MIF: variants seen among roughly 807,000 people sequenced by gnomAD.
The protein encoded by MIF is macrophage migration inhibitory factor.
Under a neutral mutation model 11.3 loss-of-function variants are expected in MIF, and 16 were observed. That is an observed-to-expected ratio of 1.42 (90% CI 0.96 to 2.16). The LOEUF is 2.16. Ranked by LOEUF, MIF falls within the 30% of genes most tolerant of loss-of-function variation. The pLI is 0.00. For synonymous variants in MIF, 83 were observed against 74.2 expected (o/e 1.12, Z -0.61); for missense variants, 229 against 165.3 (o/e 1.39, Z -2.11).
chr22:23,894,405 A>AC lies in MIF; in HGVS notation c.-69dup. On this transcript the variant is annotated 5_prime_UTR_variant, in exon 1 of 3. Transcript: ENST00000215754. ...CACAGTGGTGTCCGAGAAGTCAGGC[A>AC]CGTAGCTCAGCGGCGGCCGCGGCGC... 1 of 1,288,542 alleles carries AC rather than the reference A, an allele frequency of 7.8e-7. No individual in the cohort carries two copies. The allele number at this position is 1,288,542 out of a possible 1,614,324, so 79.8% of individuals were successfully genotyped here.
Position 23,895,071 on chromosome 22 carries a change from G to T in MIF, c.313G>T (p.Ala105Ser). The change falls in exon 3 of 3, where the codon GCC (alanine) becomes TCC (serine). Residue 105 changes from alanine to serine, a missense_variant. Transcript: ENST00000215754. Reference protein sequence around the residue: ...VYINYYDMNAANVGWNNSTFA With the variant: ...VYINYYDMNASNVGWNNSTFA ...CATCAACTATTACGACATGAACGCG[G>T]CCAATGTGGGCTGGAACAACTCCAC... 6.4e-7 allele frequency: 1 copy of T among 1,558,988 alleles called. No individual in the cohort carries two copies. Among genetic ancestry groups the T allele is most frequent in the Non-Finnish European group, 8.7e-7 (1 of 1,150,954 alleles).
At chr22:23,894,660 C>T in intron 1 of MIF, 78 bp downstream of exon 1, 1 of 1,418,364 alleles carries the variant, frequency 7.1e-7, no homozygotes, top group Non-Finnish European at 9.6e-7. Context: ...GAGGCGACTC[C>T]TGAACGGAGC....
In MIF at chr22:23,894,849, G is replaced by C; in HGVS notation, c.186G>C (p.Leu62=). 1.3e-6 allele frequency: 2 copies of C among 1,557,154 alleles called. No homozygotes were observed. Among genetic ancestry groups the C allele is most frequent in the South Asian group, 1.2e-5 (1 of 85,328 alleles). ...GSSEPCALCS[L]HSIGKIGGAQ... ...GCGAGCCGTGCGCGCTCTGCAGCCT[G>C]CACAGCATCGGCAAGATCGGCGGCG... Residue 62 remains leucine (L), a synonymous_variant, in exon 2 of 3, where the codon CTG becomes CTC. Transcript: ENST00000215754.
intron 1 of MIF, 57 bp downstream of exon 1, chr22:23,894,639 T>C: frequency 2.4e-6 from 3 of 1,246,766 alleles, no homozygotes; most frequent in Non-Finnish European, 3.3e-6. Flanking sequence ...GGTTCCGCGC[T>C]GGGAGCTGGG....
chr22:23,894,822 C>A lies in MIF; in HGVS notation c.159C>A (p.Ser53=). The change falls in exon 2 of 3, where the codon TCC becomes TCA. Residue 53 remains serine, a synonymous_variant. Transcript: ENST00000215754. The part of the protein sequence containing the change: ...VPDQLMAFGG[S]SEPCALCSLH... ...ACCAGCTCATGGCCTTCGGCGGCTC[C>A]AGCGAGCCGTGCGCGCTCTGCAGCC... 1.3e-6 allele frequency: 2 copies of A among 1,556,496 alleles called. No individual in the cohort carries two copies. Among genetic ancestry groups the A allele is most frequent in the Non-Finnish European group, 1.7e-6 (2 of 1,156,036 alleles).
chr22:23,894,594 G>T lies in MIF; in HGVS notation c.108+12G>T. 5 of 1,610,898 alleles carry T rather than the reference G, an allele frequency of 3.1e-6. No homozygotes were observed. The South Asian group carries it at 4.4e-5, about 14-fold the overall frequency. ...GCAAGCCCCCCCAGGTTTGCCGGGA[G>T]GGGACAGGAAGAGGGGGGTGCCCAC... On this transcript the variant is annotated intron_variant, in intron 1 of 2. Coordinates refer to ENST00000215754, the MANE Select transcript of MIF (RefSeq NM_002415.2).
intron 1 of MIF, 58 bp downstream of exon 1, chr22:23,894,640 G>A: frequency 1.3e-6 from 2 of 1,550,694 alleles, no homozygotes; most frequent in Non-Finnish European, 8.8e-7. Flanking sequence ...GTTCCGCGCT[G>A]GGAGCTGGGG....
rs201086909 is a variant in MIF at position 23,894,588 on chromosome 22, C to T, written c.108+6C>T. ...CCACCGGCAAGCCCCCCCAGGTTTG[C>T]CGGGAGGGGACAGGAAGAGGGGGGT... On this transcript the variant is annotated splice_donor_region_variant and intron_variant, in intron 1 of 2. Transcript: ENST00000215754. 1.2e-6 allele frequency: 2 copies of T among 1,611,092 alleles called. No homozygotes were observed. Among genetic ancestry groups the T allele is most frequent in the Non-Finnish European group, 1.7e-6 (2 of 1,178,786 alleles).
rs1233104476 is a variant in MIF, at chr22:23,894,892, A to G, written c.229A>G (p.Ser77Gly). 6.4e-7 allele frequency: 1 copy of G among 1,554,194 alleles called. No individual in the cohort carries two copies. Among genetic ancestry groups the G allele is most frequent in the Non-Finnish European group, 8.7e-7 (1 of 1,151,238 alleles). ...CGGCGGCGCGCAGAACCGCTCCTAC[A>G]GCAAGCTGCTGTGCGGCCTGCTGGC... ...KIGGAQNRSY[S>G]KLLCGLLAER... The change falls in exon 2 of 3, where the codon AGC becomes GGC. Residue 77 changes from serine to glycine, a missense_variant. Ser to Gly is a moderately conservative substitution (Grantham distance 56). Coordinates refer to ENST00000215754, the MANE Select transcript of MIF (RefSeq NM_002415.2).
rs2070766 is a variant in MIF, at chr22:23,895,034, C to A, written c.282-6C>A. ...ACCCGCTGAGTCCGGCCTCCTCCCC[C>A]CGCAGGGTCTACATCAACTATTACG... On this transcript the variant is annotated splice_region_variant and splice_polypyrimidine_tract_variant and intron_variant, in intron 2 of 2. Transcript: ENST00000215754. 1.6e-5 allele frequency: 24 copies of A among 1,545,980 alleles called. No homozygotes were observed. Among genetic ancestry groups the A allele is most frequent in the South Asian group, 9.6e-5 (8 of 82,914 alleles).
chr22:23,894,892 A>T lies in MIF; in HGVS notation c.229A>T (p.Ser77Cys). 7 of 1,554,194 alleles carry T rather than the reference A, an allele frequency of 4.5e-6. No individual in the cohort carries two copies. The highest frequency in any genetic ancestry group is 6.1e-6 in the Non-Finnish European group (7 of 1,151,238). Residue 77 changes from serine to cysteine, a missense_variant, in exon 2 of 3, where the codon AGC becomes TGC. Physicochemically the swap from Ser to Cys is moderately radical, Grantham distance 112. Transcript: ENST00000215754. ...CGGCGGCGCGCAGAACCGCTCCTAC[A>T]GCAAGCTGCTGTGCGGCCTGCTGGC... ...KIGGAQNRSYSKLLCGLLAER... is the reference protein window; with the variant it reads ...KIGGAQNRSYCKLLCGLLAER...
chr22:23,894,906 C>CG lies in MIF; in HGVS notation c.245dup (p.Leu83ProfsTer?). On this transcript the variant is annotated frameshift_variant, in exon 2 of 3. Coordinates refer to ENST00000215754, the MANE Select transcript of MIF (RefSeq NM_002415.2). LOFTEE classifies it high-confidence loss of function. ...ACCGCTCCTACAGCAAGCTGCTGTG[C>CG]GGCCTGCTGGCCGAGCGCCTGCGCA... is the stretch of plus-strand genomic sequence containing the variant. 6.4e-7 allele frequency: 1 copy of CG among 1,554,268 alleles called. No homozygotes were observed. The highest frequency in any genetic ancestry group is 8.7e-7 in the Non-Finnish European group (1 of 1,150,576).
rs1470136728 is a variant in MIF, at chr22:23,895,110, C to T, written c.*4C>T. Reference sequence around the variant, plus strand: ...GAACAACTCCACCTTCGCCTAAGAGCCGCAGGGACCCACGCTGTCTGCGCT... The same window carrying T: ...GAACAACTCCACCTTCGCCTAAGAGTCGCAGGGACCCACGCTGTCTGCGCT... On this transcript the variant is annotated 3_prime_UTR_variant, in exon 3 of 3. Transcript: ENST00000215754. The T allele has an allele frequency of 1.9e-6, 3 of 1,553,864 alleles. No individual in the cohort carries two copies. In the South Asian group the frequency reaches 3.6e-5, roughly 18 times the overall value.
chr22:23,894,812 T>A lies in MIF; in HGVS notation c.149T>A (p.Phe50Tyr). Residue 50 changes from phenylalanine to tyrosine, a missense_variant, in exon 2 of 3, where the codon TTC (phenylalanine) becomes TAC (tyrosine). Transcript: ENST00000215754. ...VHVVPDQLMA[F>Y]GGSSEPCALC... ...GTGGTCCCGGACCAGCTCATGGCCT[T>A]CGGCGGCTCCAGCGAGCCGTGCGCG... is the stretch of plus-strand genomic sequence containing the variant. 7.7e-6 allele frequency: 12 copies of A among 1,557,706 alleles called. No individual in the cohort carries two copies. Among genetic ancestry groups the A allele is most frequent in the Non-Finnish European group, 9.5e-6 (11 of 1,157,036 alleles).
rs3191127 is a variant in MIF, at chr22:23,895,169, C to T, written c.*63C>T. ...CCGGGAACCCGCCGCACGCTGTGTT[C>T]TAGGCCCGCCCACCCCAACCTTCTG... On this transcript the variant is annotated 3_prime_UTR_variant, in exon 3 of 3. Transcript: ENST00000215754. 6.7e-7 allele frequency: 1 copy of T among 1,488,354 alleles called. No individual in the cohort carries two copies. Among genetic ancestry groups the T allele is most frequent in the East Asian group, 2.5e-5 (1 of 40,594 alleles). 92.2% of individuals were successfully genotyped at this position (1,488,354 alleles called of 1,614,324 possible).
At position 23,894,885 on chromosome 22, in the gene MIF, C is replaced by T. The variant is rs1397745626; in HGVS notation, c.222C>T (p.Arg74=). The T allele has an allele frequency of 1.3e-6, 2 of 1,553,726 alleles. No individual in the cohort carries two copies. Among genetic ancestry groups the T allele is most frequent in the East Asian group, 2.4e-5 (1 of 41,404 alleles). ...SIGKIGGAQN[R]SYSKLLCGLL... ...GCAAGATCGGCGGCGCGCAGAACCG[C>T]TCCTACAGCAAGCTGCTGTGCGGCC... Residue 74 remains arginine (R), a synonymous_variant, in exon 2 of 3, where the codon CGC becomes CGT. Transcript: ENST00000215754.
In MIF at chr22:23,894,831, G is replaced by T. The variant is rs1376006601; in HGVS notation, c.168G>T (p.Pro56=). 3.2e-6 allele frequency: 5 copies of T among 1,555,090 alleles called. No individual in the cohort carries two copies. Among genetic ancestry groups the T allele is most frequent in the Non-Finnish European group, 3.5e-6 (4 of 1,154,896 alleles). ...QLMAFGGSSE[P]CALCSLHSIG... Reference sequence around the variant, plus strand: ...TGGCCTTCGGCGGCTCCAGCGAGCCGTGCGCGCTCTGCAGCCTGCACAGCA... The same window carrying T: ...TGGCCTTCGGCGGCTCCAGCGAGCCTTGCGCGCTCTGCAGCCTGCACAGCA... Residue 56 remains proline (P), a synonymous_variant, in exon 2 of 3, where the codon CCG becomes CCT. Coordinates refer to ENST00000215754, the MANE Select transcript of MIF (RefSeq NM_002415.2).
At chr22:23,894,977 C>T in intron 2 of MIF, 33 bp downstream of exon 2, 2 of 1,543,520 alleles carry the variant, frequency 1.3e-6, no homozygotes, top group Non-Finnish European at 1.7e-6. Context: ...GGGGGAGGGG[C>T]GGCGGCGCGC....
At chr22:23,894,606 A>AG (rs760430834) in intron 1 of MIF, 24 bp downstream of exon 1, 3 of 1,549,590 alleles carry the variant, frequency 1.9e-6, no homozygotes, top group African/African-American at 1.4e-5. Context: ...GGACAGGAAG[A>AG]GGGGGGTGCC....
Sources: gnomAD v4.1 joint callset for allele counts on GRCh38, gnomAD v4.1.1 for gene constraint, MANE v1.5 for transcripts, NCBI Gene and HGNC (gene_info 2026-07-23, HGNC 2026-07-21) for gene names.